CNTN5: variants seen among roughly 807,000 people sequenced by gnomAD.
CNTN5 encodes contactin 5.
In CNTN5, 77 loss-of-function variants were observed where a neutral mutation model predicts 129.1. The ratio of observed to expected loss-of-function variants is 0.60; its 90% CI spans 0.50 to 0.72. The LOEUF (loss-of-function observed/expected upper bound fraction) is 0.72, where lower values mean the gene tolerates loss of function less well. Among genes scored for constraint, CNTN5 ranks in the 30% least tolerant of loss-of-function variants. CNTN5 has a pLI of 0.00. For synonymous variants in CNTN5, 509 were observed against 465.6 expected (o/e 1.09, Z -1.20); for missense variants, 1,478 against 1,328.8 (o/e 1.11, Z -1.75).
chr11:99,419,889 A>T (rs1339325183), intron 2 of CNTN5, among the ~76,000 whole-genome samples: 1 of 152,126 alleles, frequency 6.6e-6, no homozygotes, highest in Non-Finnish European at 1.5e-5. Context: ...CATTAATTCA[A>T]AAAATGTTCA....
At chr11:99,892,935 C>T (rs1009833576) in intron 6 of CNTN5, among the ~76,000 whole-genome samples, 14 of 152,056 alleles carry the variant, frequency 9.2e-5, no homozygotes, top group Admixed American at 4.6e-4. Flanking sequence ...GCCATTTTCA[C>T]GATATTGATT....
intron 1 of CNTN5, among the ~76,000 whole-genome samples, chr11:99,158,809 G>A (rs1344999276): frequency 6.6e-6 from 1 of 151,892 alleles, no homozygotes; most frequent in Non-Finnish European, 1.5e-5. Flanking sequence ...TTATATCAAA[G>A]AAGCAACATA....
chr11:99,598,327 TCCC>T (rs1565335640), intron 3 of CNTN5, among the ~76,000 whole-genome samples: 12 of 23,534 alleles, frequency 5.1e-4, no homozygotes, highest in African/African-American at 2.1e-3. Context: ...TTCTTTTCTG[TCCC>T]TCTCTCTCTC....
intron 3 of CNTN5, among the ~76,000 whole-genome samples, chr11:99,607,129 A>T (rs1950446265): frequency 1.6e-5 from 2 of 122,222 alleles, no homozygotes; most frequent in Non-Finnish European, 1.8e-5. Context: ...GCTTCTGCAC[A>T]GCAAAAGAAA....
intron 1 of CNTN5, among the ~76,000 whole-genome samples, chr11:99,290,739 T>G (rs1480905274): frequency 6.6e-6 from 1 of 151,850 alleles, no homozygotes; most frequent in Admixed American, 6.6e-5. Context: ...GAGTCCATCT[T>G]TTGTATACTA....
chr11:99,362,422 T>C (rs1939174250), intron 2 of CNTN5, among the ~76,000 whole-genome samples: 1 of 151,980 alleles, frequency 6.6e-6, no homozygotes, highest in African/African-American at 2.4e-5. Context: ...TTTCTCCAAT[T>C]CTCTGGGTTG....
intron 13 of CNTN5, among the ~76,000 whole-genome samples, chr11:100,129,396 A>G (rs2138200866): frequency 1.3e-5 from 2 of 152,226 alleles, no homozygotes; most frequent in Middle Eastern, 6.8e-3. Flanking sequence ...GTTATTTGCC[A>G]TTCTATGACC....
chr11:99,203,647 T>C (rs1859330305), intron 1 of CNTN5, among the ~76,000 whole-genome samples: 1 of 151,964 alleles, frequency 6.6e-6, no homozygotes, highest in African/African-American at 2.4e-5. Context: ...TGGAGTGCAA[T>C]GGCGTGATCT....
Position 99,264,159 on chromosome 11 carries a change from A to G in CNTN5, c.-209-61187A>G, listed in dbSNP as rs184254509. ...ATGCTCACAGGATACCTATTTCTACAACTATGAACAATGAAGAGCAATGAT... is the reference window on the plus strand; with the variant it reads ...ATGCTCACAGGATACCTATTTCTACGACTATGAACAATGAAGAGCAATGAT... On this transcript the variant is annotated intron_variant, in intron 1 of 24. Transcript: ENST00000524871. Among the ~76,000 whole-genome samples the G allele has an allele frequency of 5.4e-3, 824 of 151,796 alleles. 5 individuals are homozygous for G. The highest frequency in any genetic ancestry group is 8.3e-3 in the Non-Finnish European group (561 of 67,904).
chr11:99,152,333 C>A (rs1860104044), intron 1 of CNTN5, among the ~76,000 whole-genome samples: 1 of 152,106 alleles, frequency 6.6e-6, no homozygotes, highest in Admixed American at 6.5e-5. Context: ...TCATTTAGAC[C>A]TGTGTCTCAT....
intron 3 of CNTN5, among the ~76,000 whole-genome samples, chr11:99,764,946 A>C (rs1944703121): frequency 6.6e-6 from 1 of 152,072 alleles, no homozygotes; most frequent in Non-Finnish European, 1.5e-5. Context: ...TCTCTGTATC[A>C]CATCATAAAT....
chr11:99,410,996 C>T (rs1181137419), intron 2 of CNTN5, among the ~76,000 whole-genome samples: 5 of 152,232 alleles, frequency 3.3e-5, no homozygotes, highest in South Asian at 2.1e-4. Flanking sequence ...TATTGAGCTG[C>T]GCATTTTACA....
chr11:99,500,427 T>A (rs1056959019), intron 2 of CNTN5, among the ~76,000 whole-genome samples: 3 of 152,168 alleles, frequency 2.0e-5, no homozygotes, highest in Non-Finnish European at 4.4e-5. Flanking sequence ...AATATTTTTT[T>A]CTAAACTCTC....
At chr11:99,962,250 T>G (rs1024195668) in intron 8 of CNTN5, among the ~76,000 whole-genome samples, 1 of 152,114 alleles carries the variant, frequency 6.6e-6, no homozygotes, top group Non-Finnish European at 1.5e-5. Flanking sequence ...GTTGGTGTGC[T>G]GCACCCATTA....
Position 99,920,786 on chromosome 11 carries a change from ACTTGAT to A in CNTN5, c.673+4639_673+4644del, listed in dbSNP as rs141698953. 6.1e-3 allele frequency among the ~76,000 whole-genome samples: 922 copies of A among 152,200 alleles called. 10 individuals are homozygous for A. The highest frequency in any genetic ancestry group is 0.02 in the African/African-American group (832 of 41,530). On this transcript the variant is annotated intron_variant, in intron 7 of 24. Coordinates refer to ENST00000524871, the MANE Select transcript of CNTN5 (RefSeq NM_014361.4). ...CATTCATGAGAGCTTCACTCTCATG[ACTTGAT>A]CACTTACCAAAACACTTGCCAACTA...
intron 7 of CNTN5, among the ~76,000 whole-genome samples, chr11:99,938,882 A>C (rs1254526051): frequency 6.6e-6 from 1 of 152,086 alleles, no homozygotes; most frequent in Non-Finnish European, 1.5e-5. Context: ...GGATTTGAAA[A>C]ATTTTAAACT....
chr11:99,290,910 C>T (rs1307039430), intron 1 of CNTN5, among the ~76,000 whole-genome samples: 1 of 151,800 alleles, frequency 6.6e-6, no homozygotes, highest in Non-Finnish European at 1.5e-5. Context: ...GTTTATATGA[C>T]ACTATTGTTA....
chr11:99,575,196 C>CTAA (rs1408412454), intron 3 of CNTN5, among the ~76,000 whole-genome samples: 2 of 152,088 alleles, frequency 1.3e-5, no homozygotes, highest in African/African-American at 4.8e-5. Flanking sequence ...TTAGACGTGT[C>CTAA]TATATAATAT....
rs754338921 is a variant in CNTN5, at chr11:100,061,197, TG to T, written c.981-14del. On this transcript the variant is annotated splice_polypyrimidine_tract_variant and intron_variant, in intron 9 of 24. Transcript: ENST00000524871. Reference sequence around the variant, plus strand: ...GTGGAGAGTGTATTAACAGTATTTTTGTTCCCTATCGTAGCCCCGTTCCAAC... The same window carrying T: ...GTGGAGAGTGTATTAACAGTATTTTTTTCCCTATCGTAGCCCCGTTCCAAC... 1.3e-6 allele frequency: 2 copies of T among 1,594,320 alleles called. No individual in the cohort carries two copies. Among genetic ancestry groups the T allele is most frequent in the African/African-American group, 2.7e-5 (2 of 74,596 alleles).
Sources: gnomAD v4.1 joint callset for allele counts (sites outside exome capture counted in the v4.1 genomes callset) on GRCh38, gnomAD v4.1.1 for gene constraint, MANE v1.5 for transcripts, NCBI Gene and HGNC (gene_info 2026-07-23, HGNC 2026-07-21) for gene names.